NXPE2: variants seen among roughly 807,000 people sequenced by gnomAD.
NXPE2 encodes neurexophilin and PC-esterase domain family member 2, also known as NXPE family member 2.
NXPE2 carries 34 observed loss-of-function variants against 34.4 expected under a neutral mutation model. That is an observed-to-expected ratio of 0.99 (90% CI 0.75 to 1.31). The LOEUF (loss-of-function observed/expected upper bound fraction) is 1.31. Among genes scored for constraint, NXPE2 ranks in the 40% most tolerant of loss-of-function variants. The pLI is 0.00. For synonymous variants in NXPE2, 235 were observed against 231.3 expected (o/e 1.02, Z -0.15); for missense variants, 649 against 672.5 (o/e 0.97, Z 0.39).
chr11:114,530,646 A>G, the NXPE2 span: 1 of 1,614,176 alleles, frequency 6.2e-7, no homozygotes, highest in East Asian at 2.2e-5. Context: ...CACCTCCAGT[A>G]GGATGTCCAG....
the NXPE2 span, chr11:114,570,744 A>G: frequency 2.0e-6 from 1 of 489,806 alleles, no homozygotes; most frequent in East Asian, 3.3e-5. Context: ...GAGTATTTTT[A>G]GTTTTATTTT....
chr11:114,500,237 G>A, the NXPE2 span, among the ~76,000 whole-genome samples: 4 of 152,162 alleles, frequency 2.6e-5, no homozygotes, highest in South Asian at 8.3e-4. Flanking sequence ...AGAAATGCAT[G>A]AGACTTCCAG....
At chr11:114,621,879 T>C in the NXPE2 span, among the ~76,000 whole-genome samples, 12 of 151,924 alleles carry the variant, frequency 7.9e-5, no homozygotes, top group Non-Finnish European at 1.3e-4. Flanking sequence ...ACCTGCTGGA[T>C]AATAAGTATT....
chr11:114,772,837 C>T, the NXPE2 span, among the ~76,000 whole-genome samples: 2 of 152,198 alleles, frequency 1.3e-5, no homozygotes, highest in African/African-American at 4.8e-5. Context: ...AGGCAGGCTT[C>T]AGGCTCATCC....
the NXPE2 span, among the ~76,000 whole-genome samples, chr11:114,771,972 C>T: frequency 7.2e-5 from 11 of 152,356 alleles, no homozygotes; most frequent in African/African-American, 2.4e-4. Context: ...ATTCCCTTGA[C>T]ACTTGGTCCT....
the NXPE2 span, among the ~76,000 whole-genome samples, chr11:114,511,650 A>G: frequency 6.6e-6 from 1 of 152,224 alleles, no homozygotes; most frequent in Non-Finnish European, 1.5e-5. Flanking sequence ...ATCCCCTCCA[A>G]ATCTCATGTT....
At chr11:114,549,605 C>T in the NXPE2 span, among the ~76,000 whole-genome samples, 1 of 152,096 alleles carries the variant, frequency 6.6e-6, no homozygotes, top group South Asian at 2.1e-4. Flanking sequence ...AAAATATATA[C>T]TTTAACTCAA....
the NXPE2 span, among the ~76,000 whole-genome samples, chr11:114,480,721 G>C: frequency 6.6e-6 from 1 of 152,196 alleles, no homozygotes; most frequent in Non-Finnish European, 1.5e-5. Context: ...AGTATTCACT[G>C]TATTGTTGTG....
At chr11:114,489,506 A>G in the NXPE2 span, among the ~76,000 whole-genome samples, 1 of 152,238 alleles carries the variant, frequency 6.6e-6, no homozygotes, top group African/African-American at 2.4e-5. Flanking sequence ...AAGCTTATCC[A>G]CCATGATCAA....
chr11:114,711,490 A>C (rs1859611409), downstream of NXPE2, among the ~76,000 whole-genome samples: 1 of 152,162 alleles, frequency 6.6e-6, no homozygotes, highest in Non-Finnish European at 1.5e-5. Flanking sequence ...CAATTCAAAA[A>C]GAAAATTAAG....
chr11:114,719,944 T>A, the NXPE2 span, among the ~76,000 whole-genome samples: 3 of 152,246 alleles, frequency 2.0e-5, no homozygotes, highest in East Asian at 3.8e-4. Context: ...CCAGCTCAAG[T>A]GCCTGGACAT....
At chr11:114,720,404 T>C in the NXPE2 span, among the ~76,000 whole-genome samples, 1 of 152,230 alleles carries the variant, frequency 6.6e-6, no homozygotes, top group Non-Finnish European at 1.5e-5. Context: ...AGCAAGTGTT[T>C]CCTCTGAAGT....
the NXPE2 span, among the ~76,000 whole-genome samples, chr11:114,635,007 A>G: frequency 1.3e-5 from 2 of 151,942 alleles, no homozygotes; most frequent in Non-Finnish European, 2.9e-5. Flanking sequence ...GAAGAAAGTC[A>G]TTGGTAGCTT....
chr11:114,521,210 A>T, the NXPE2 span, among the ~76,000 whole-genome samples: 3 of 152,172 alleles, frequency 2.0e-5, no homozygotes, highest in African/African-American at 7.2e-5. Flanking sequence ...TTTTGTTGCC[A>T]ATTTTCAAAA....
the NXPE2 span, among the ~76,000 whole-genome samples, chr11:114,715,302 T>A: frequency 2.0e-5 from 3 of 152,268 alleles, no homozygotes; most frequent in African/African-American, 7.2e-5. Context: ...CAGAGATTCA[T>A]GCTTATATTT....
chr11:114,493,161 A>G, the NXPE2 span, among the ~76,000 whole-genome samples: 1 of 152,134 alleles, frequency 6.6e-6, no homozygotes, highest in Non-Finnish European at 1.5e-5. Flanking sequence ...TTCCATTAGC[A>G]TGAAATGTCT....
chr11:114,722,075 A>G, the NXPE2 span, among the ~76,000 whole-genome samples: 31 of 152,214 alleles, frequency 2.0e-4, 1 homozygote, highest in Non-Finnish European at 2.9e-5. Flanking sequence ...TTCTTCATGC[A>G]TCTAGAAGAT....
At chr11:114,624,973 T>C in the NXPE2 span, among the ~76,000 whole-genome samples, 2 of 151,726 alleles carry the variant, frequency 1.3e-5, no homozygotes, top group Non-Finnish European at 2.9e-5. Flanking sequence ...ACCTTGTGGA[T>C]AGTAAGTGTT....
At chr11:114,679,501 T>C (rs1950911952) in intron 1 of NXPE2, among the ~76,000 whole-genome samples, 156 bp from the exon 2 acceptor site, 1 of 152,076 alleles carries the variant, frequency 6.6e-6, no homozygotes, top group South Asian at 2.1e-4. Flanking sequence ...GGAAACACTT[T>C]GTTTCTGATT....
Sources: allele counts gnomAD v4.1 joint callset (sites outside exome capture counted in the v4.1 genomes callset), GRCh38; gene constraint gnomAD v4.1.1; transcripts MANE v1.5; gene names NCBI Gene and HGNC (gene_info 2026-07-23, HGNC 2026-07-21).